Variants in ERC1 observed in about 807,000 individuals in gnomAD.
ERC1 encodes the protein ELKS/RAB6-interacting/CAST family member 1.
Under a neutral mutation model 132.0 loss-of-function variants are expected in ERC1, and 56 were observed. That is an observed-to-expected ratio of 0.42 (90% CI 0.34 to 0.53). ERC1 has a LOEUF of 0.53. ERC1 is among the 20% of genes least tolerant of loss of function. ERC1 has a pLI of 0.03. For synonymous variants in ERC1, 478 were observed against 476.1 expected, an observed-to-expected ratio of 1.00 and a Z score of -0.05; for missense variants, 1,202 against 1,349.9, an observed-to-expected ratio of 0.89 and a Z score of 1.72.
Position 1,106,349 on chromosome 12 carries a change from T to C in ERC1, c.1161+1525T>C, listed in dbSNP as rs558934984. Among the ~76,000 whole-genome samples the C allele has an allele frequency of 1.2e-4, 19 of 152,370 alleles. No homozygotes were observed. The East Asian group carries it at 2.5e-3, about 20-fold the overall frequency. Reference sequence around the variant, plus strand: ...GTAGTTAGGGACCTCCCCCCACAACTACTTCTTCATATCCTCTAGAAAGCT... The same window carrying C: ...GTAGTTAGGGACCTCCCCCCACAACCACTTCTTCATATCCTCTAGAAAGCT... On this transcript the variant is annotated intron_variant, in intron 4 of 18. Transcript: ENST00000360905.
chr12:1,158,395 G>T (rs1253737882), intron 8 of ERC1, among the ~76,000 whole-genome samples: 1 of 151,668 alleles, frequency 6.6e-6, no homozygotes, highest in African/African-American at 2.4e-5. Context: ...ATAACTAGTC[G>T]TTAAAAACAG....
intron 13 of ERC1, among the ~76,000 whole-genome samples, chr12:1,251,645 C>A (rs2076475442): frequency 6.6e-6 from 1 of 152,110 alleles, no homozygotes; most frequent in African/African-American, 2.4e-5. Context: ...TCAAACTGGG[C>A]CACTTTTTAC....
intron 6 of ERC1, among the ~76,000 whole-genome samples, chr12:1,114,263 C>T (rs1193784530): frequency 2.0e-5 from 3 of 152,198 alleles, no homozygotes; most frequent in Admixed American, 6.5e-5. Flanking sequence ...CCTTGTGATC[C>T]ACCCGCCTCG....
chr12:992,709 T>C (rs1959845326), intron 1 of ERC1, among the ~76,000 whole-genome samples: 1 of 152,264 alleles, frequency 6.6e-6, no homozygotes, highest in East Asian at 1.9e-4. Flanking sequence ...GAATCTTCTT[T>C]TCTGGATTCT....
intron 2 of ERC1, among the ~76,000 whole-genome samples, chr12:1,063,452 G>A (rs1230696437): frequency 6.6e-6 from 1 of 152,060 alleles, no homozygotes; most frequent in Non-Finnish European, 1.5e-5. Flanking sequence ...GTAGAGACGG[G>A]GTTTTCACCA....
chr12:1,168,005 C>T (rs75825860), intron 8 of ERC1, among the ~76,000 whole-genome samples: 6,663 of 152,122 alleles, frequency 0.044, 206 homozygotes, highest in Middle Eastern at 0.071. Context: ...TGAGTCACCG[C>T]GCCCCGTCAG....
At chr12:1,468,796 C>G (rs2093798973) in intron 18 of ERC1, among the ~76,000 whole-genome samples, 1 of 152,110 alleles carries the variant, frequency 6.6e-6, no homozygotes, top group Non-Finnish European at 1.5e-5. Flanking sequence ...TCTAATCTCC[C>G]CTTTATACAC....
chr12:1,141,879 T>G (rs1949893310), intron 8 of ERC1, 92 bp downstream of exon 8: 1 of 1,070,304 alleles, frequency 9.3e-7, no homozygotes, highest in Admixed American at 3.3e-5. Flanking sequence ...CAGAGTTTCT[T>G]GCTCATTTTT....
chr12:1,247,433 T>C (rs1482881479), intron 13 of ERC1, among the ~76,000 whole-genome samples: 2 of 152,238 alleles, frequency 1.3e-5, no homozygotes, highest in Non-Finnish European at 2.9e-5. Context: ...TGGGCACTGT[T>C]CTGTTTTTGC....
At chr12:1,422,238 G>A (rs528812824) in intron 17 of ERC1, among the ~76,000 whole-genome samples, 2 of 152,340 alleles carry the variant, frequency 1.3e-5, no homozygotes, top group African/African-American at 4.8e-5. Context: ...AATGAGCAGG[G>A]GAGTGAGCTT....
In ERC1 at chr12:1,476,035, G is replaced by T. The variant is rs540164707; in HGVS notation, c.3214-14058G>T. Among the ~76,000 whole-genome samples, 34 of 151,832 alleles carry T rather than the reference G, an allele frequency of 2.2e-4. 1 individual carries two copies. The East Asian group carries it at 6.2e-3, about 28-fold the overall frequency. On this transcript the variant is annotated intron_variant, in intron 18 of 18. Transcript: ENST00000360905. ...TCCCAGCACTTTGGGAGGCCGAGGT[G>T]GGTGGATCACACGGTCAGGAGATCG...
At chr12:1,183,717 A>T (rs1444810101) in intron 11 of ERC1, among the ~76,000 whole-genome samples, 5 of 152,198 alleles carry the variant, frequency 3.3e-5, no homozygotes, top group Admixed American at 6.5e-5. Flanking sequence ...TTTTTCTCCC[A>T]TTAGAATCAG....
At chr12:1,252,344 G>T (rs950982515) in intron 13 of ERC1, among the ~76,000 whole-genome samples, 2 of 152,114 alleles carry the variant, frequency 1.3e-5, no homozygotes, top group Non-Finnish European at 2.9e-5. Flanking sequence ...TTAAGGAAAA[G>T]ATATTTTTGG....
Position 1,255,621 on chromosome 12 carries a change from C to CTTTTTTTTTTTTTTTTTTTTTT in ERC1, c.2488-7405_2488-7384dup, listed in dbSNP as rs757949030. ...TCTTCAGCATCTGTTGCTTCCTGGC[C>CTTTTTTTTTTTTTTTTTTTTTT]TTTTTTTTTTTTTTTTTTTTTTTTT... On this transcript the variant is annotated intron_variant, in intron 13 of 18. Transcript: ENST00000360905. Among the ~76,000 whole-genome samples, 7 of 61,558 alleles carry CTTTTTTTTTTTTTTTTTTTTTT rather than the reference C, an allele frequency of 1.1e-4. 2 individuals are homozygous for CTTTTTTTTTTTTTTTTTTTTTT. Among genetic ancestry groups the CTTTTTTTTTTTTTTTTTTTTTT allele is most frequent in the African/African-American group, 1.8e-4 (3 of 16,660 alleles). 40.4% of individuals were successfully genotyped at this position (61,558 alleles called of 152,430 possible).
At chr12:1,364,647 A>G (rs948950060) in intron 15 of ERC1, among the ~76,000 whole-genome samples, 1 of 152,114 alleles carries the variant, frequency 6.6e-6, no homozygotes, top group Admixed American at 6.5e-5. Context: ...AATAGGGCCC[A>G]TGTCAGTTCC....
intron 18 of ERC1, among the ~76,000 whole-genome samples, chr12:1,463,348 A>C (rs73599984): frequency 0.017 from 2,530 of 152,280 alleles, 66 homozygotes; most frequent in African/African-American, 0.058. Context: ...TGTATCGCTC[A>C]AGTAGCCAAA....
chr12:1,212,857 T>C (rs1594263732), intron 12 of ERC1, among the ~76,000 whole-genome samples: 1 of 152,322 alleles, frequency 6.6e-6, no homozygotes, highest in East Asian at 1.9e-4. Context: ...TGGGGACCCC[T>C]TCCTACCTGG....
chr12:1,053,959 C>A (rs1003239670), intron 2 of ERC1, among the ~76,000 whole-genome samples: 1 of 152,132 alleles, frequency 6.6e-6, no homozygotes, highest in Non-Finnish European at 1.5e-5. Flanking sequence ...TAGCCTTGAC[C>A]TTTTGGGTGG....
chr12:1,067,480 C>CA (rs1939431093), intron 2 of ERC1, among the ~76,000 whole-genome samples: 1 of 152,172 alleles, frequency 6.6e-6, no homozygotes, highest in Non-Finnish European at 1.5e-5. Context: ...ATTCAAAACT[C>CA]ACCGAAGTAA....
Sources: allele counts gnomAD v4.1 joint callset (sites outside exome capture counted in the v4.1 genomes callset), GRCh38; gene constraint gnomAD v4.1.1; transcripts MANE v1.5; gene names NCBI Gene and HGNC (gene_info 2026-07-23, HGNC 2026-07-21).